Variants in NTNG2 observed in about 807,000 individuals in gnomAD.
NTNG2 encodes the protein netrin-G2.
A neutral mutation model predicts 47.6 loss-of-function variants in NTNG2; 15 were observed. The observed-to-expected ratio is 0.32, with a 90% confidence interval of 0.21 to 0.49. The LOEUF (loss-of-function observed/expected upper bound fraction) is 0.49. Among genes scored for constraint, NTNG2 ranks in the 20% least tolerant of loss-of-function variants. The pLI is 0.99. For missense variants in NTNG2, 578 were observed against 764.6 expected, an observed-to-expected ratio of 0.76 and a Z score of 2.88; for synonymous variants, 307 against 324.6, an observed-to-expected ratio of 0.95 and a Z score of 0.58.
intron 2 of NTNG2, among the ~76,000 whole-genome samples, chr9:132,175,300 C>T (rs1430039705): frequency 6.6e-6 from 1 of 152,178 alleles, no homozygotes; most frequent in Non-Finnish European, 1.5e-5. Context: ...TGTCTGGCTC[C>T]TGACCGCTCG....
intron 2 of NTNG2, among the ~76,000 whole-genome samples, chr9:132,174,116 A>AACTTGGGCT (rs1248938864): frequency 6.9e-6 from 1 of 144,648 alleles, no homozygotes; most frequent in Admixed American, 6.7e-5. Context: ...TGCGGATGAG[A>AACTTGGGCT]TGGACAGACG....
chr9:132,221,380 G>A lies in NTNG2; in HGVS notation c.858-5469G>A, dbSNP rs11243676. ...AGAGGGGCACTGAGAGAGCCAGAGA[G>A]GCCAAGAGGTCATACACAAACACCA... On this transcript the variant is annotated intron_variant, in intron 3 of 7. Transcript: ENST00000393229. This position sits in a 1 kb window ranked among gnomAD's most constrained non-coding sequence, Gnocchi z 4.2. Among the ~76,000 whole-genome samples, 7,803 of 152,264 alleles carry A rather than the reference G, an allele frequency of 0.051. 319 individuals are homozygous for A. Among genetic ancestry groups the A allele is most frequent in the Non-Finnish European group, 0.078 (5,275 of 68,020 alleles).
rs772689013 is a variant in NTNG2, at chr9:132,198,143, G to A, written c.391G>A (p.Val131Met). 51 of 1,613,660 alleles carry A rather than the reference G, an allele frequency of 3.2e-5. No homozygotes were observed. The highest frequency in any genetic ancestry group is 1.6e-4 in the East Asian group (7 of 44,882). Reference protein sequence around the residue: ...ANITLSWNKTVELTDDVVMTF... With the variant: ...ANITLSWNKTMELTDDVVMTF... ...CATCACCCTTTCGTGGAACAAGACC[G>A]TGGAGCTGACCGACGACGTGGTGAT... The change falls in exon 3 of 8, where the codon GTG becomes ATG. Residue 131 changes from valine (V) to methionine (M), a missense_variant. Val to Met is a conservative substitution (Grantham distance 21). Transcript: ENST00000393229.
rs1838393731 is a variant in NTNG2 at position 132,197,404 on chromosome 9, T to C, written c.214-562T>C. ...ACTCCATCTCAATAAAAAAATAAAATTAAAATTAAAAAATAAAAGGCTCAG... is the reference window on the plus strand; with the variant it reads ...ACTCCATCTCAATAAAAAAATAAAACTAAAATTAAAAAATAAAAGGCTCAG... On this transcript the variant is annotated intron_variant, in intron 2 of 7. Coordinates refer to ENST00000393229, the MANE Select transcript of NTNG2 (RefSeq NM_032536.4). This position sits in a 1 kb window ranked among gnomAD's most constrained non-coding sequence, Gnocchi z 4.3. Among the ~76,000 whole-genome samples, 1 of 151,744 alleles carries C rather than the reference T, an allele frequency of 6.6e-6. No homozygotes were observed. The highest frequency in any genetic ancestry group is 2.1e-4 in the South Asian group (1 of 4,798).
intron 3 of NTNG2, among the ~76,000 whole-genome samples, chr9:132,206,402 C>T (rs1244094121): frequency 3.3e-5 from 5 of 152,154 alleles, no homozygotes; most frequent in Admixed American, 6.5e-5. Flanking sequence ...CGTGGTGGCT[C>T]ACGCCTGTAA....
intron 3 of NTNG2, among the ~76,000 whole-genome samples, chr9:132,202,060 G>C (rs949187763): frequency 3.3e-5 from 5 of 152,228 alleles, no homozygotes; most frequent in Non-Finnish European, 7.3e-5. Flanking sequence ...GCCCTGGCCC[G>C]GTGGCTGCCT....
At position 132,231,695 on chromosome 9, in the gene NTNG2, G is replaced by A. The variant is rs918858384; in HGVS notation, c.1054+1100G>A. 2.5e-5 allele frequency: 6 copies of A among 237,420 alleles called. No homozygotes were observed. The highest frequency in any genetic ancestry group is 4.1e-5 in the South Asian group (1 of 24,468). 14.7% of individuals were successfully genotyped at this position (237,420 alleles called of 1,614,324 possible). ...ACCCCAAAGGCCCTGTGGCCACTGC[G>A]GCCACCACAGCCATGACAGGGGCCC... On this transcript the variant is annotated intron_variant, in intron 5 of 7. Coordinates refer to ENST00000393229, the MANE Select transcript of NTNG2 (RefSeq NM_032536.4). This position sits in a 1 kb window ranked among gnomAD's most constrained non-coding sequence, Gnocchi z 4.1.
At position 132,166,639 on chromosome 9, in the gene NTNG2, T is replaced by C. The variant is rs1835516339; in HGVS notation, c.-193T>C. On this transcript the variant is annotated 5_prime_UTR_variant, in exon 2 of 8. Coordinates refer to ENST00000393229, the MANE Select transcript of NTNG2 (RefSeq NM_032536.4). ...AGTCTGAGAAACGCTGGCTCTGAATTTTCCGTGTCGGCCTTTTGGAAACAA... is the reference window on the plus strand; with the variant it reads ...AGTCTGAGAAACGCTGGCTCTGAATCTTCCGTGTCGGCCTTTTGGAAACAA... 1.7e-6 allele frequency: 1 copy of C among 602,712 alleles called. No individual in the cohort carries two copies. Among genetic ancestry groups the C allele is most frequent in the African/African-American group, 1.9e-5 (1 of 53,894 alleles). The allele number at this position is 602,712 out of a possible 1,614,324, so 37.3% of individuals were successfully genotyped here. A position where few individuals can be genotyped will look rare whatever the true frequency, so the allele number is the denominator to read the frequency against.
At chr9:132,170,891 G>A (rs996048407) in intron 2 of NTNG2, among the ~76,000 whole-genome samples, 3 of 152,196 alleles carry the variant, frequency 2.0e-5, no homozygotes, top group Non-Finnish European at 4.4e-5. Context: ...AGTCTCTGGA[G>A]CGCTGGGGTG....
intron 2 of NTNG2, among the ~76,000 whole-genome samples, chr9:132,177,647 T>G (rs1836566813): frequency 6.6e-6 from 1 of 152,018 alleles, no homozygotes. Context: ...AATCTCTGGG[T>G]TTTTTTGTTT....
At chr9:132,203,215 C>T (rs7357745) in intron 3 of NTNG2, among the ~76,000 whole-genome samples, 4 of 152,136 alleles carry the variant, frequency 2.6e-5, no homozygotes, top group African/African-American at 9.7e-5. Flanking sequence ...TGGTGTGCGC[C>T]TGTAGTCCTA....
At chr9:132,189,750 G>A (rs532644577) in intron 2 of NTNG2, among the ~76,000 whole-genome samples, 97 of 151,972 alleles carry the variant, frequency 6.4e-4, no homozygotes, top group African/African-American at 2.3e-3. Flanking sequence ...AATGATTCTC[G>A]TGCCTCAGCC....
intron 2 of NTNG2, among the ~76,000 whole-genome samples, chr9:132,179,826 C>T (rs1253985944): frequency 1.3e-5 from 2 of 152,192 alleles, no homozygotes; most frequent in African/African-American, 4.8e-5. Flanking sequence ...CTGTCCTGTC[C>T]TGCCTTCTGT....
chr9:132,202,735 A>G (rs904298707), intron 3 of NTNG2, among the ~76,000 whole-genome samples: 5 of 152,176 alleles, frequency 3.3e-5, no homozygotes, highest in African/African-American at 1.2e-4. Context: ...CTGACCCAGC[A>G]TCTCACAGGA....
Position 132,226,927 on chromosome 9 carries a change from C to T in NTNG2, c.936C>T (p.Thr312=), listed in dbSNP as rs183793411. The change falls in exon 4 of 8, where the codon ACC becomes ACT. Residue 312 remains threonine, a synonymous_variant. Transcript: ENST00000393229. This position sits in a 1 kb window ranked among gnomAD's most constrained non-coding sequence, Gnocchi z 4.8. ...SLQCECEHNT[T]GPDCGKCKKN... ...AGTGCGAGTGCGAGCACAACACCACCGGCCCCGACTGCGGCAAGTGCAAGA... is the reference window on the plus strand; with the variant it reads ...AGTGCGAGTGCGAGCACAACACCACTGGCCCCGACTGCGGCAAGTGCAAGA... The T allele has an allele frequency of 1.4e-4, 226 of 1,612,884 alleles. No homozygotes were observed. Among genetic ancestry groups the T allele is most frequent in the Admixed American group, 5.0e-5 (3 of 59,980 alleles).
chr9:132,213,097 G>A (rs567261437), intron 3 of NTNG2, among the ~76,000 whole-genome samples: 2 of 152,226 alleles, frequency 1.3e-5, no homozygotes, highest in East Asian at 3.9e-4. Flanking sequence ...ATCACCTGAG[G>A]TCGGGAGCTC....
At chr9:132,181,074 A>G (rs1836899671) in intron 2 of NTNG2, among the ~76,000 whole-genome samples, 2 of 152,114 alleles carry the variant, frequency 1.3e-5, no homozygotes, top group Admixed American at 6.6e-5. Flanking sequence ...TGTCTGGTCC[A>G]ATTGTCTGAG....
intron 6 of NTNG2, among the ~76,000 whole-genome samples, chr9:132,239,850 T>C (rs1374299974): frequency 1.3e-5 from 2 of 152,246 alleles, no homozygotes; most frequent in African/African-American, 4.8e-5. Context: ...GGCTGAAGCT[T>C]TTCTTCAAAT....
chr9:132,182,588 C>G lies in NTNG2; in HGVS notation c.214-15378C>G, dbSNP rs1452535150. ...TTGGGTGGACGCTGCGCCTCATCAG[C>G]CCTGACTAGCCGTGATGCCCAGGAC... On this transcript the variant is annotated intron_variant, in intron 2 of 7. Transcript: ENST00000393229. The surrounding 1 kb of genome is among the most constrained non-coding windows in gnomAD (Gnocchi z 4.2). Among the ~76,000 whole-genome samples, 1 of 152,198 alleles carries G rather than the reference C, an allele frequency of 6.6e-6. No homozygotes were observed. Among genetic ancestry groups the G allele is most frequent in the Non-Finnish European group, 1.5e-5 (1 of 68,026 alleles).
Sources: gnomAD v4.1 joint callset for allele counts (sites outside exome capture counted in the v4.1 genomes callset) on GRCh38, gnomAD v4.1.1 for gene constraint, Gnocchi (gnomAD v3.1) non-coding constraint, MANE v1.5 for transcripts, NCBI Gene and HGNC (gene_info 2026-07-23, HGNC 2026-07-21) for gene names.